RCAN2: variants seen among roughly 807,000 people sequenced by gnomAD.
RCAN2 encodes the protein calcipressin-2.
Under a neutral mutation model 23.6 loss-of-function variants are expected in RCAN2, and 9 were observed. That is an observed-to-expected ratio of 0.38 (90% CI 0.23 to 0.67). The LOEUF is 0.67. Ranked by LOEUF, RCAN2 falls within the 30% of genes least tolerant of loss-of-function variation. RCAN2 has a pLI of 0.51. For synonymous variants in RCAN2, 109 were observed against 115.7 expected (o/e 0.94, Z 0.37); for missense variants, 273 against 302.3 (o/e 0.90, Z 0.72).
rs60245042 is a variant in RCAN2, at chr6:46,367,022, GATATATATATATAT to G, written c.225+89716_225+89729del. On this transcript the variant is annotated intron_variant, in intron 2 of 4. Coordinates refer to ENST00000371374, the MANE Select transcript of RCAN2 (RefSeq NM_001251974.2). ...ATTTTATTTTCAGTTATCTGGGATGGATATATATATATATATATATATATATATATATCCTAGCT... is the reference window on the plus strand; with the variant it reads ...ATTTTATTTTCAGTTATCTGGGATGGATATATATATATATATATCCTAGCT... Among the ~76,000 whole-genome samples the G allele has an allele frequency of 2.1e-3, 124 of 59,672 alleles. 13 individuals are homozygous for G. The highest frequency in any genetic ancestry group is 8.3e-3 in the Middle Eastern group (1 of 120). The allele number at this position is 59,672 out of a possible 152,430, so 39.1% of individuals were successfully genotyped here. A position where few individuals can be genotyped will look rare whatever the true frequency, so the allele number is the denominator to read the frequency against.
Position 46,222,894 on chromosome 6 carries a change from T to G in RCAN2, c.*247A>C. 1 of 465,480 alleles carries G rather than the reference T, an allele frequency of 2.1e-6. No individual in the cohort carries two copies. The highest frequency in any genetic ancestry group is 2.4e-5 in the South Asian group (1 of 40,884). The allele number at this position is 465,480 out of a possible 1,614,324, so 28.8% of individuals were successfully genotyped here. A position where few individuals can be genotyped will look rare whatever the true frequency, so the allele number is the denominator to read the frequency against. Reference sequence around the variant, plus strand: ...GAACAAAGATATAGGCTGTGCTGATTGTTTAATAAGAAAATACTACTTTTT... The same window carrying G: ...GAACAAAGATATAGGCTGTGCTGATGGTTTAATAAGAAAATACTACTTTTT... On this transcript the variant is annotated 3_prime_UTR_variant, in exon 5 of 5. Transcript: ENST00000371374.
At position 46,301,823 on chromosome 6, in the gene RCAN2, C is replaced by T. The variant is rs555149694; in HGVS notation, c.226-52927G>A. 9.2e-5 allele frequency among the ~76,000 whole-genome samples: 14 copies of T among 151,916 alleles called. No homozygotes were observed. In the South Asian group the frequency reaches 1.2e-3, roughly 14 times the overall value. ...AAGACCAGTGTGTCCCGAAGAATAA[C>T]GAATAAGGGAGTGAGCACATAGAGG... On this transcript the variant is annotated intron_variant, in intron 2 of 4. Transcript: ENST00000371374.
intron 2 of RCAN2, among the ~76,000 whole-genome samples, chr6:46,453,477 A>G (rs1359546939): frequency 6.6e-6 from 1 of 152,222 alleles, no homozygotes; most frequent in African/African-American, 2.4e-5. Flanking sequence ...TGGAATGAAC[A>G]TTACGGACAA....
At chr6:46,384,673 T>C (rs538635676) in intron 2 of RCAN2, among the ~76,000 whole-genome samples, 8 of 152,290 alleles carry the variant, frequency 5.3e-5, no homozygotes, top group African/African-American at 1.7e-4. Context: ...TGCACAAAAA[T>C]AGGACATATT....
intron 2 of RCAN2, among the ~76,000 whole-genome samples, chr6:46,362,756 C>G (rs555030900): frequency 6.6e-6 from 1 of 152,084 alleles, no homozygotes; most frequent in Admixed American, 6.5e-5. Context: ...TACTTTGCAG[C>G]AATTCCTTCA....
intron 2 of RCAN2, among the ~76,000 whole-genome samples, chr6:46,331,081 T>C (rs73452290): frequency 0.034 from 5,164 of 152,356 alleles, 270 homozygotes; most frequent in African/African-American, 0.11. Context: ...CATTTATTCA[T>C]GGAACACTTC....
At chr6:46,325,608 G>A (rs957908285) in intron 2 of RCAN2, 52 of 1,447,182 alleles carry the variant, frequency 3.6e-5, no homozygotes, top group Non-Finnish European at 4.6e-5. Context: ...CTGGAGGCTC[G>A]GGCTCCTGGA....
chr6:46,252,296 G>A (rs930426304), intron 2 of RCAN2, among the ~76,000 whole-genome samples: 2 of 152,172 alleles, frequency 1.3e-5, no homozygotes, highest in African/African-American at 4.8e-5. Context: ...GTCTTGATGT[G>A]CAGGTTCTCA....
At chr6:46,322,126 C>T (rs189259145) in intron 2 of RCAN2, among the ~76,000 whole-genome samples, 2 of 152,328 alleles carry the variant, frequency 1.3e-5, no homozygotes, top group South Asian at 2.1e-4. Flanking sequence ...ATGTAAATTT[C>T]GTTACCAATC....
chr6:46,400,734 G>A (rs748442430), intron 2 of RCAN2, among the ~76,000 whole-genome samples: 7 of 152,292 alleles, frequency 4.6e-5, no homozygotes, highest in Non-Finnish European at 8.8e-5. Context: ...GGGAGAGACC[G>A]GGCCCAGAGC....
At chr6:46,426,176 G>T (rs546097898) in intron 2 of RCAN2, among the ~76,000 whole-genome samples, 36 of 152,132 alleles carry the variant, frequency 2.4e-4, no homozygotes, top group African/African-American at 7.5e-4. Flanking sequence ...TGGGATTACA[G>T]GCATGAGCCA....
intron 2 of RCAN2, among the ~76,000 whole-genome samples, chr6:46,295,293 C>G (rs1290534682): frequency 6.6e-6 from 1 of 152,072 alleles, no homozygotes; most frequent in South Asian, 2.1e-4. Flanking sequence ...GAGACAGAGA[C>G]AGAAGCCATC....
intron 2 of RCAN2, among the ~76,000 whole-genome samples, chr6:46,426,980 G>T (rs1371143942): frequency 1.3e-5 from 2 of 152,134 alleles, no homozygotes; most frequent in East Asian, 3.8e-4. Flanking sequence ...AAGTTACTTT[G>T]CTTCTCTAAA....
chr6:46,225,130 G>A (rs975336906), intron 4 of RCAN2, among the ~76,000 whole-genome samples: 1 of 152,164 alleles, frequency 6.6e-6, no homozygotes, highest in Non-Finnish European at 1.5e-5. Context: ...TTTTATGGCT[G>A]CATAGTATTC....
intron 2 of RCAN2, among the ~76,000 whole-genome samples, chr6:46,369,154 A>C (rs1765256445): frequency 6.6e-6 from 1 of 152,114 alleles, no homozygotes; most frequent in African/African-American, 2.4e-5. Flanking sequence ...CAGAATCATC[A>C]ATATCACTGT....
chr6:46,395,245 T>G (rs1766054355), intron 2 of RCAN2, among the ~76,000 whole-genome samples: 3 of 152,032 alleles, frequency 2.0e-5, no homozygotes, highest in Admixed American at 6.6e-5. Flanking sequence ...TTTAAAGGCA[T>G]GAGACATGAT....
At chr6:46,342,966 A>AAG (rs1193703507) in intron 2 of RCAN2, among the ~76,000 whole-genome samples, 2 of 152,018 alleles carry the variant, frequency 1.3e-5, no homozygotes, top group Non-Finnish European at 2.9e-5. Context: ...TTAAAAGCAG[A>AAG]AGAGAGAGAG....
chr6:46,430,926 G>A (rs538559062), intron 2 of RCAN2, among the ~76,000 whole-genome samples: 15 of 152,280 alleles, frequency 9.9e-5, no homozygotes, highest in African/African-American at 3.6e-4. Flanking sequence ...ATACTTTTGC[G>A]TAGAGAACCC....
intron 2 of RCAN2, among the ~76,000 whole-genome samples, chr6:46,444,428 G>A (rs1471230924): frequency 6.6e-6 from 1 of 152,168 alleles, no homozygotes; most frequent in Non-Finnish European, 1.5e-5. Context: ...GCTCATCCTA[G>A]CTTGAGTATA....
Sources: gnomAD v4.1 joint callset for allele counts (sites outside exome capture counted in the v4.1 genomes callset) on GRCh38, gnomAD v4.1.1 for gene constraint, MANE v1.5 for transcripts, NCBI Gene and HGNC (gene_info 2026-07-23, HGNC 2026-07-21) for gene names.